ZC3H6: variants seen among roughly 807,000 people sequenced by gnomAD.
The protein encoded by ZC3H6 is zinc finger CCCH-type containing 6.
Under a neutral mutation model 107.7 loss-of-function variants are expected in ZC3H6, and 40 were observed. The observed-to-expected ratio is 0.37, with a 90% CI of 0.29 to 0.48. The LOEUF (loss-of-function observed/expected upper bound fraction) is 0.48, where lower values mean the gene tolerates loss of function less well. ZC3H6 is among the 20% of genes least tolerant of loss of function. The pLI, the probability that ZC3H6 is intolerant of heterozygous loss-of-function variation, is 0.98. For synonymous variants in ZC3H6, 493 were observed against 487.9 expected (o/e 1.01, Z -0.14); for missense variants, 1,267 against 1,410.4 (o/e 0.90, Z 1.63).
At chr2:112,289,366 C>T (rs1349138379) in intron 1 of ZC3H6, among the ~76,000 whole-genome samples, 2 of 148,616 alleles carry the variant, frequency 1.3e-5, no homozygotes, top group Admixed American at 6.8e-5. Flanking sequence ...TTCTTGTCGC[C>T]CAGGCTGGAG....
chr2:112,277,717 G>A (rs1334363251), intron 1 of ZC3H6, among the ~76,000 whole-genome samples: 1 of 151,824 alleles, frequency 6.6e-6, no homozygotes, highest in Non-Finnish European at 1.5e-5. Flanking sequence ...AAACAAAAAG[G>A]TTAGCTCCAC....
chr2:112,280,032 C>T (rs1006785316), intron 1 of ZC3H6, among the ~76,000 whole-genome samples: 6 of 152,170 alleles, frequency 3.9e-5, no homozygotes, highest in Admixed American at 3.9e-4. Flanking sequence ...TGATCCTGAT[C>T]TTCTAACTTG....
intron 1 of ZC3H6, among the ~76,000 whole-genome samples, chr2:112,286,626 C>T (rs576719140): frequency 6.6e-6 from 1 of 152,262 alleles, no homozygotes; most frequent in South Asian, 2.1e-4. Flanking sequence ...TTGGTAGAGA[C>T]GGGGTTTTGC....
chr2:112,301,345 A>G (rs992196141), intron 2 of ZC3H6, among the ~76,000 whole-genome samples: 4 of 152,232 alleles, frequency 2.6e-5, no homozygotes, highest in African/African-American at 4.8e-5. Context: ...GCTGGAAGTA[A>G]AGTCTACATT....
chr2:112,324,610 A>G lies in ZC3H6; in HGVS notation c.1799A>G (p.Asn600Ser), dbSNP rs1238216544. The G allele has an allele frequency of 4.3e-6, 7 of 1,611,184 alleles. No homozygotes were observed. The highest frequency in any genetic ancestry group is 2.2e-5 in the East Asian group (1 of 44,858). The part of the protein sequence containing the change: ...SLQNPAEFYD[N>S]YYAQHSIHNF... ...CAAAACCCAGCTGAGTTTTACGATAATTACTATGCACAGCATTCTATACAT... is the reference window on the plus strand; with the variant it reads ...CAAAACCCAGCTGAGTTTTACGATAGTTACTATGCACAGCATTCTATACAT... Residue 600 changes from asparagine to serine, a missense_variant, in exon 10 of 12, where the codon AAT (asparagine) becomes AGT (serine). This residue lies in a region of ZC3H6 where 925 missense variants were observed against 1,025.7 expected (regional missense o/e 0.90). Coordinates refer to ENST00000409871, the MANE Select transcript of ZC3H6 (RefSeq NM_198581.3).
At chr2:112,309,550 A>G (rs1573957786) in intron 3 of ZC3H6, among the ~76,000 whole-genome samples, 2 of 152,092 alleles carry the variant, frequency 1.3e-5, no homozygotes, top group Admixed American at 6.5e-5. Context: ...TCTTTTCCCT[A>G]TTTTCAAAAA....
intron 1 of ZC3H6, among the ~76,000 whole-genome samples, chr2:112,277,338 T>C (rs1339148890): frequency 6.6e-6 from 1 of 152,196 alleles, no homozygotes; most frequent in Non-Finnish European, 1.5e-5. Flanking sequence ...AATACCTTGC[T>C]CTTGAGGTAT....
rs1179778535 is a variant in ZC3H6, at chr2:112,276,041, TTGTC to T, written c.32+21_32+24del. On this transcript the variant is annotated intron_variant, in intron 1 of 11. Coordinates refer to ENST00000409871, the MANE Select transcript of ZC3H6 (RefSeq NM_198581.3). ...GGGCACGACAGGTCGGGAACCCTTCTTGTCTGTCTTTCTGTCGGATGAGAGGAGG... is the reference window on the plus strand; with the variant it reads ...GGGCACGACAGGTCGGGAACCCTTCTTGTCTTTCTGTCGGATGAGAGGAGG... The T allele has an allele frequency of 3.9e-6, 6 of 1,539,800 alleles. No homozygotes were observed. Among genetic ancestry groups the T allele is most frequent in the African/African-American group, 2.8e-5 (2 of 71,108 alleles).
chr2:112,327,141 GT>G (rs771678507), intron 11 of ZC3H6, among the ~76,000 whole-genome samples: 9 of 152,114 alleles, frequency 5.9e-5, no homozygotes, highest in Non-Finnish European at 1.3e-4. Context: ...CCCACCAACG[GT>G]GTATGAAGGT....
In ZC3H6 at chr2:112,296,708, A is replaced by G. The variant is rs562769304; in HGVS notation, c.33-3141A>G. 5.1e-4 allele frequency among the ~76,000 whole-genome samples: 77 copies of G among 152,318 alleles called. No individual in the cohort carries two copies. The South Asian group carries it at 0.011, about 22-fold the overall frequency. On this transcript the variant is annotated intron_variant, in intron 1 of 11. Transcript: ENST00000409871. ...TACAGCCACTTTAGGGTCGTATCATATGCCTCTTCTATGATGCAAGAGTTA... is the reference window on the plus strand; with the variant it reads ...TACAGCCACTTTAGGGTCGTATCATGTGCCTCTTCTATGATGCAAGAGTTA...
Position 112,288,350 on chromosome 2 carries a change from A to T in ZC3H6, c.33-11499A>T, listed in dbSNP as rs114084308. Among the ~76,000 whole-genome samples the T allele has an allele frequency of 1.1e-3, 162 of 152,334 alleles. 1 individual carries two copies. The highest frequency in any genetic ancestry group is 3.7e-3 in the African/African-American group (155 of 41,534). ...TCTGTGGAAGTACTTGTAGTCCAGC[A>T]TAGTAATTCTATTCAGATATGTATA... On this transcript the variant is annotated intron_variant, in intron 1 of 11. Coordinates refer to ENST00000409871, the MANE Select transcript of ZC3H6 (RefSeq NM_198581.3).
intron 3 of ZC3H6, among the ~76,000 whole-genome samples, chr2:112,305,472 C>T (rs1194600507): frequency 1.3e-5 from 2 of 152,084 alleles, no homozygotes; most frequent in Non-Finnish European, 2.9e-5. Context: ...AAACATTATG[C>T]AGTTATTTAT....
chr2:112,277,027 C>T (rs879410646), intron 1 of ZC3H6, among the ~76,000 whole-genome samples: 9 of 152,202 alleles, frequency 5.9e-5, no homozygotes, highest in Admixed American at 2.6e-4. Flanking sequence ...GTAATGTGAT[C>T]GGCTTGGTAA....
intron 11 of ZC3H6, among the ~76,000 whole-genome samples, chr2:112,325,673 T>C (rs965377843): frequency 6.6e-6 from 1 of 152,196 alleles, no homozygotes; most frequent in African/African-American, 2.4e-5. Flanking sequence ...GCTTTTTTTT[T>C]CTGAAGAAAA....
rs566443263 is a variant in ZC3H6 at position 112,334,250 on chromosome 2, A to G, written c.*1762A>G. 6.6e-6 allele frequency: 1 copy of G among 152,292 alleles called. No individual in the cohort carries two copies. Among genetic ancestry groups the G allele is most frequent in the South Asian group, 2.1e-4 (1 of 4,832 alleles). 9.4% of individuals were successfully genotyped at this position (152,292 alleles called of 1,614,324 possible). On this transcript the variant is annotated 3_prime_UTR_variant, in exon 12 of 12. Coordinates refer to ENST00000409871, the MANE Select transcript of ZC3H6 (RefSeq NM_198581.3). ...AATAAAATGGATTAAACTGACAGAA[A>G]AAAAACATATATATATATCCCAAGG...
At chr2:112,303,525 T>C (rs1016529416) in intron 3 of ZC3H6, 174 bp downstream of exon 3, 2 of 524,682 alleles carry the variant, frequency 3.8e-6, no homozygotes, top group Non-Finnish European at 6.6e-6. Context: ...TCAGCACCTA[T>C]TAAGCAATAA....
At chr2:112,323,032 C>G in intron 9 of ZC3H6, 130 bp downstream of exon 9, 1 of 977,356 alleles carries the variant, frequency 1.0e-6, no homozygotes, top group Non-Finnish European at 1.5e-6. Context: ...GGCATGCACG[C>G]AGATTGTTGC....
intron 1 of ZC3H6, among the ~76,000 whole-genome samples, chr2:112,290,019 G>A (rs1676074953): frequency 6.6e-6 from 1 of 152,130 alleles, no homozygotes; most frequent in Admixed American, 6.5e-5. Context: ...GGGATTATAG[G>A]CATGAACCAC....
At chr2:112,326,803 G>A (rs971782277) in intron 11 of ZC3H6, among the ~76,000 whole-genome samples, 19 of 151,796 alleles carry the variant, frequency 1.3e-4, no homozygotes, top group Admixed American at 1.0e-3. Flanking sequence ...AGTAGAGATG[G>A]GGTTTCACTG....
Sources: gnomAD v4.1 joint callset for allele counts (sites outside exome capture counted in the v4.1 genomes callset) on GRCh38, gnomAD v4.1.1 for gene constraint, gnomAD v4.1.1 regional missense constraint, MANE v1.5 for transcripts, NCBI Gene and HGNC (gene_info 2026-07-23, HGNC 2026-07-21) for gene names.